The following TIAM1 variants were observed in gnomAD, a reference collection of about 807,000 sequenced individuals.
TIAM1 encodes TIAM Rac1 associated GEF 1.
A neutral mutation model predicts 163.5 loss-of-function variants in TIAM1; 65 were observed. The ratio of observed to expected loss-of-function variants is 0.40; its 90% CI spans 0.33 to 0.49. TIAM1 has a LOEUF of 0.49. Ranked by LOEUF, TIAM1 falls within the 20% of genes least tolerant of loss-of-function variation. The probability of loss-of-function intolerance (pLI) is 0.77; values close to 1 mark genes in which losing one functional copy is unlikely to be tolerated. For missense variants in TIAM1, 1,789 were observed against 2,044.7 expected (o/e 0.87, Z 2.41); for synonymous variants, 833 against 810.1 (o/e 1.03, Z -0.48).
chr21:31,272,999 G>C (rs553527335), intron 3 of TIAM1, among the ~76,000 whole-genome samples: 1 of 152,100 alleles, frequency 6.6e-6, no homozygotes, highest in Non-Finnish European at 1.5e-5. Context: ...CAGCAAGTTG[G>C]AGTAAACCAA....
In TIAM1 at chr21:31,362,801, C is replaced by T. The variant is rs2076429824; in HGVS notation, c.-368-23379G>A. Among the ~76,000 whole-genome samples the T allele has an allele frequency of 2.0e-5, 3 of 152,032 alleles. No individual in the cohort carries two copies. The South Asian group carries it at 6.2e-4, about 32-fold the overall frequency. ...TTTTAAAGCAATGCTAGTCCATCACCCCTTAGGGCAGGGAGCGCTCACTCT... is the reference window on the plus strand; with the variant it reads ...TTTTAAAGCAATGCTAGTCCATCACTCCTTAGGGCAGGGAGCGCTCACTCT... On this transcript the variant is annotated intron_variant, in intron 2 of 28. Coordinates refer to the TIAM1 transcript ENST00000286827.
At chr21:31,430,028 A>G (rs923787611) in intron 2 of TIAM1, among the ~76,000 whole-genome samples, 3 of 151,844 alleles carry the variant, frequency 2.0e-5, no homozygotes, top group Non-Finnish European at 4.4e-5. Flanking sequence ...CAACATGGTG[A>G]AACCCCGTCT....
rs570217046 is a variant in TIAM1 at position 31,543,635 on chromosome 21, C to T, written c.-422+15292G>A. On this transcript the variant is annotated intron_variant, in intron 1 of 28. Coordinates refer to the TIAM1 transcript ENST00000286827. ...ACCTAGAAGAGGAGGTAGATTTTGA[C>T]GTGCAGAAATAGAAATGTCCCAGAT... Among the ~76,000 whole-genome samples, 28 of 152,270 alleles carry T rather than the reference C, an allele frequency of 1.8e-4. No homozygotes were observed. In the South Asian group the frequency reaches 3.9e-3, roughly 21 times the overall value.
chr21:31,164,205 A>T (rs2084084443), intron 16 of TIAM1, among the ~76,000 whole-genome samples: 1 of 152,178 alleles, frequency 6.6e-6, no homozygotes, highest in Non-Finnish European at 1.5e-5. Flanking sequence ...CCTGGCTAAC[A>T]CGGTGAAACC....
intron 11 of TIAM1, among the ~76,000 whole-genome samples, chr21:31,203,274 C>G (rs1569019520): frequency 6.6e-6 from 1 of 152,114 alleles, no homozygotes; most frequent in Admixed American, 6.6e-5. Flanking sequence ...AGGCGCCCAC[C>G]ACCACGCCCA....
chr21:31,516,243 C>A (rs968717609), intron 1 of TIAM1, among the ~76,000 whole-genome samples: 1 of 151,982 alleles, frequency 6.6e-6, no homozygotes, highest in Admixed American at 6.6e-5. Context: ...GAAACCCCAT[C>A]TCTACTAAAA....
At chr21:31,344,554 G>A (rs1318752201), upstream of TIAM1, among the ~76,000 whole-genome samples, 2 of 152,118 alleles carry the variant, frequency 1.3e-5, no homozygotes, top group African/African-American at 2.4e-5. Context: ...AAAAAGCAGC[G>A]CCTCTTAAAA....
intron 14 of TIAM1, 113 bp downstream of exon 14, chr21:31,186,888 G>T (rs895167088): frequency 6.7e-5 from 61 of 905,162 alleles, no homozygotes; most frequent in Non-Finnish European, 9.7e-5. Context: ...ATGAGAAAAT[G>T]TTCAAATACT....
intron 2 of TIAM1, among the ~76,000 whole-genome samples, chr21:31,458,978 G>C (rs867246729): frequency 6.6e-6 from 1 of 152,206 alleles, no homozygotes; most frequent in Non-Finnish European, 1.5e-5. Context: ...CCCTAAATGA[G>C]GAGGACAGGA....
chr21:31,430,210 GAA>G (rs57117941), intron 2 of TIAM1, among the ~76,000 whole-genome samples: 1,872 of 89,352 alleles, frequency 0.021, 11 homozygotes, highest in African/African-American at 0.03. Context: ...CCATCTCAAA[GAA>G]AAAAAAAAAA....
At chr21:31,335,938 G>A (rs1448932900) in intron 2 of TIAM1, among the ~76,000 whole-genome samples, 1 of 152,190 alleles carries the variant, frequency 6.6e-6, no homozygotes, top group East Asian at 1.9e-4. Flanking sequence ...ACTTGGAGAT[G>A]AGAATACGCA....
At chr21:31,388,051 C>T (rs1454468420) in intron 2 of TIAM1, among the ~76,000 whole-genome samples, 1 of 152,130 alleles carries the variant, frequency 6.6e-6, no homozygotes, top group East Asian at 1.9e-4. Flanking sequence ...TCCCGCTTCA[C>T]TCTCCGTCAC....
chr21:31,188,733 T>C (rs1031398355), intron 13 of TIAM1, among the ~76,000 whole-genome samples: 1 of 152,074 alleles, frequency 6.6e-6, no homozygotes, highest in African/African-American at 2.4e-5. Context: ...GCTACCATGC[T>C]TGACTGATTT....
At chr21:31,274,015 G>A (rs575691224) in intron 3 of TIAM1, among the ~76,000 whole-genome samples, 29 of 152,200 alleles carry the variant, frequency 1.9e-4, no homozygotes, top group Non-Finnish European at 3.7e-4. Flanking sequence ...TCAGGAGTTC[G>A]AGACCAGCCT....
At chr21:31,216,620 G>A (rs535175478) in intron 9 of TIAM1, among the ~76,000 whole-genome samples, 2 of 152,258 alleles carry the variant, frequency 1.3e-5, no homozygotes, top group East Asian at 1.9e-4. Flanking sequence ...TGGCCTTGGC[G>A]AGTGAAGAAG....
intron 2 of TIAM1, among the ~76,000 whole-genome samples, chr21:31,361,057 T>C (rs1030227183): frequency 6.6e-6 from 1 of 152,114 alleles, no homozygotes; most frequent in African/African-American, 2.4e-5. Context: ...CTGGGGAAGG[T>C]ATCTCCAAAA....
At chr21:31,478,669 T>G (rs1472192967) in intron 1 of TIAM1, among the ~76,000 whole-genome samples, 1 of 152,220 alleles carries the variant, frequency 6.6e-6, no homozygotes, top group Non-Finnish European at 1.5e-5. Flanking sequence ...TTGGTAAGAA[T>G]CATCCCCTAC....
chr21:31,284,968 A>C (rs2073737440), intron 2 of TIAM1, among the ~76,000 whole-genome samples: 1 of 152,068 alleles, frequency 6.6e-6, no homozygotes, highest in Admixed American at 6.5e-5. Flanking sequence ...CATTCTCCAG[A>C]CCTGCCCCAG....
intron 2 of TIAM1, among the ~76,000 whole-genome samples, chr21:31,281,575 A>G (rs1432667271): frequency 1.3e-5 from 2 of 152,214 alleles, no homozygotes; most frequent in African/African-American, 4.8e-5. Context: ...TTCATATGCA[A>G]TAAGCACCAA....
Sources: allele counts gnomAD v4.1 joint callset (sites outside exome capture counted in the v4.1 genomes callset), GRCh38; gene constraint gnomAD v4.1.1; transcripts MANE v1.5; gene names NCBI Gene and HGNC (gene_info 2026-07-23, HGNC 2026-07-21).